Variants in CREG2 observed in about 807,000 individuals in gnomAD.
CREG2 encodes the protein cellular repressor of E1A stimulated genes 2.
Under a neutral mutation model 26.2 loss-of-function variants are expected in CREG2, and 24 were observed. The ratio of observed to expected loss-of-function variants is 0.92; its 90% confidence interval spans 0.66 to 1.29. CREG2 has a LOEUF of 1.29. Among genes scored for constraint, CREG2 ranks in the 50% most tolerant of loss-of-function variants. CREG2 has a pLI of 0.00. For missense variants in CREG2, 366 were observed against 398.6 expected (o/e 0.92, Z 0.70); for synonymous variants, 174 against 169.2 (o/e 1.03, Z -0.22).
intron 1 of CREG2, among the ~76,000 whole-genome samples, chr2:101,385,951 A>G (rs1444869491): frequency 2.0e-5 from 3 of 152,372 alleles, no homozygotes; most frequent in African/African-American, 7.2e-5. Context: ...AACTAAGATC[A>G]GTGTCATCTT....
intron 2 of CREG2, among the ~76,000 whole-genome samples, chr2:101,361,046 T>C (rs1684530528): frequency 6.6e-6 from 1 of 152,226 alleles, no homozygotes; most frequent in African/African-American, 2.4e-5. Flanking sequence ...CTTCATTAAA[T>C]TGTTCTGTGA....
chr2:101,354,216 G>A (rs562987127), intron 3 of CREG2, among the ~76,000 whole-genome samples: 2 of 152,028 alleles, frequency 1.3e-5, no homozygotes, highest in Admixed American at 1.3e-4. Context: ...ACATGTGAGA[G>A]GAGAAGAACT....
At chr2:101,372,522 T>C (rs1027866257) in intron 2 of CREG2, among the ~76,000 whole-genome samples, 1 of 152,206 alleles carries the variant, frequency 6.6e-6, no homozygotes, top group East Asian at 1.9e-4. Flanking sequence ...TTCTACACAC[T>C]AGAGAACTTA....
At chr2:101,378,289 C>A (rs1261246138) in intron 2 of CREG2, among the ~76,000 whole-genome samples, 1 of 152,246 alleles carries the variant, frequency 6.6e-6, no homozygotes, top group African/African-American at 2.4e-5. Context: ...GCCTAAATCA[C>A]AGTTCTTAGT....
rs902716110 is a variant in CREG2 at position 101,349,484 on chromosome 2, G to A, written c.*1439C>T. ...GAAAAATGTATATTTCCTACATATA[G>A]TGATGTGTTTTTTATGTTATACAAC... On this transcript the variant is annotated 3_prime_UTR_variant, in exon 4 of 4. Coordinates refer to ENST00000324768, the MANE Select transcript of CREG2 (RefSeq NM_153836.4). 1.3e-5 allele frequency: 2 copies of A among 152,592 alleles called. No homozygotes were observed. The highest frequency in any genetic ancestry group is 4.8e-5 in the African/African-American group (2 of 41,432). The allele number at this position is 152,592 out of a possible 1,614,324, so 9.5% of individuals were successfully genotyped here. A position where few individuals can be genotyped will look rare whatever the true frequency, so the allele number is the denominator to read the frequency against.
chr2:101,387,169 G>A lies in CREG2; in HGVS notation c.289C>T (p.Pro97Ser), dbSNP rs1367247377. 3.9e-6 allele frequency: 5 copies of A among 1,282,646 alleles called. No individual in the cohort carries two copies. Among genetic ancestry groups the A allele is most frequent in the Admixed American group, 4.1e-5 (1 of 24,660 alleles). The allele number at this position is 1,282,646 out of a possible 1,614,324, so 79.5% of individuals were successfully genotyped here. Residue 97 changes from proline to serine, a missense_variant, in exon 1 of 4, where the codon CCC becomes TCC. By Grantham distance (74) the Pro-to-Ser change is moderately conservative (BLOSUM62 -1). This residue lies in a region of CREG2 where 177 missense variants were observed against 183.3 expected (regional missense o/e 0.97). Coordinates refer to ENST00000324768, the MANE Select transcript of CREG2 (RefSeq NM_153836.4). The surrounding 1 kb of genome is among the most constrained non-coding windows in gnomAD (Gnocchi z 4.7). ...PRAGAARARP[P>S]PAPPGMFSYR... The stretch of plus-strand genomic sequence containing the variant: ...GAGAACATCCCGGGTGGCGCGGGGG[G>A]CGGCCTGGCCCGGGCGGCGCCCGCC...
intron 2 of CREG2, among the ~76,000 whole-genome samples, chr2:101,360,896 A>T (rs1163782410): frequency 6.6e-6 from 1 of 152,218 alleles, no homozygotes; most frequent in African/African-American, 2.4e-5. Flanking sequence ...TGTAAAAATA[A>T]CTGAGACGCA....
At chr2:101,365,004 T>C (rs1381328768) in intron 2 of CREG2, among the ~76,000 whole-genome samples, 1 of 152,102 alleles carries the variant, frequency 6.6e-6, no homozygotes, top group African/African-American at 2.4e-5. Context: ...AGGCGTGGAA[T>C]GGAAATTCTG....
rs4850966 is a variant in CREG2, at chr2:101,348,651, T to G, written c.*2272A>C. The G allele has an allele frequency of 6.6e-6, 1 of 151,900 alleles. No homozygotes were observed. Among genetic ancestry groups the G allele is most frequent in the African/African-American group, 2.4e-5 (1 of 41,332 alleles). The allele number at this position is 151,900 out of a possible 1,614,324, so 9.4% of individuals were successfully genotyped here. A position where few individuals can be genotyped will look rare whatever the true frequency, so the allele number is the denominator to read the frequency against. On this transcript the variant is annotated 3_prime_UTR_variant, in exon 4 of 4. Coordinates refer to ENST00000324768, the MANE Select transcript of CREG2 (RefSeq NM_153836.4). ...GCTGATCTTGTGTCCTGAGACCTTG[T>G]TGCACTCACATACTAGTTCCAGAGT...
At chr2:101,372,277 G>A (rs556263322) in intron 2 of CREG2, among the ~76,000 whole-genome samples, 7 of 152,276 alleles carry the variant, frequency 4.6e-5, no homozygotes, top group South Asian at 2.1e-4. Flanking sequence ...AAGTGTTCAC[G>A]CCTACGCATG....
At chr2:101,375,935 A>G (rs1383769940) in intron 2 of CREG2, 1 of 165,642 alleles carries the variant, frequency 6.0e-6, no homozygotes, top group African/African-American at 2.4e-5. Flanking sequence ...AAGGGGGTGG[A>G]TCTCAGAAGG....
intron 2 of CREG2, among the ~76,000 whole-genome samples, chr2:101,358,460 T>A (rs368663551): frequency 1.3e-5 from 2 of 152,102 alleles, no homozygotes; most frequent in South Asian, 2.1e-4. Context: ...GGTAAAAAAA[T>A]ACTACCACAT....
chr2:101,379,931 C>T (rs1392958647), intron 2 of CREG2, among the ~76,000 whole-genome samples: 1 of 152,112 alleles, frequency 6.6e-6, no homozygotes, highest in East Asian at 1.9e-4. Flanking sequence ...CTGTAATATT[C>T]GCTCTTTTGA....
chr2:101,382,649 C>T (rs1684894348), intron 2 of CREG2: 3 of 985,286 alleles, frequency 3.0e-6, no homozygotes, highest in African/African-American at 1.7e-5. Flanking sequence ...ATCCAGGATG[C>T]ATCTTGCATT....
At chr2:101,368,561 G>A (rs997638482) in intron 2 of CREG2, among the ~76,000 whole-genome samples, 3 of 152,168 alleles carry the variant, frequency 2.0e-5, no homozygotes, top group Admixed American at 1.3e-4. Flanking sequence ...ACACCAGACG[G>A]CTTGCCACGC....
rs114073609 is a variant in CREG2 at position 101,377,523 on chromosome 2, T to C, written c.611+6010A>G. Among the ~76,000 whole-genome samples, 664 of 152,298 alleles carry C rather than the reference T, an allele frequency of 4.4e-3. 6 individuals carry two copies. The highest frequency in any genetic ancestry group is 0.014 in the African/African-American group (602 of 41,544). On this transcript the variant is annotated intron_variant, in intron 2 of 3. Coordinates refer to ENST00000324768, the MANE Select transcript of CREG2 (RefSeq NM_153836.4). ...TTTTTGGGTGGCCTTTCTTTGTCAATCAATATTGATTGAATTTTCACAAAG... is the reference window on the plus strand; with the variant it reads ...TTTTTGGGTGGCCTTTCTTTGTCAACCAATATTGATTGAATTTTCACAAAG...
intron 2 of CREG2, among the ~76,000 whole-genome samples, chr2:101,369,618 A>G (rs908120226): frequency 6.6e-6 from 1 of 152,204 alleles, no homozygotes; most frequent in Non-Finnish European, 1.5e-5. Flanking sequence ...CTACAGGCCG[A>G]TAACTTGTAG....
rs1684333095 is a variant in CREG2, at chr2:101,348,494, A to G, written c.*2429T>C. 6.6e-6 allele frequency: 1 copy of G among 152,142 alleles called. No homozygotes were observed. Among genetic ancestry groups the G allele is most frequent in the South Asian group, 2.1e-4 (1 of 4,836 alleles). The allele number at this position is 152,142 out of a possible 1,614,324, so 9.4% of individuals were successfully genotyped here. A position where few individuals can be genotyped will look rare whatever the true frequency, so the allele number is the denominator to read the frequency against. On this transcript the variant is annotated 3_prime_UTR_variant, in exon 4 of 4. Transcript: ENST00000324768. The stretch of plus-strand genomic sequence containing the variant: ...TTCTTAGCATTTAAAAATTTTCACT[A>G]CATAGGTCCTGGGTAAGTTTTGTTT...
intron 2 of CREG2, among the ~76,000 whole-genome samples, chr2:101,379,824 A>C (rs1460453886): frequency 6.6e-6 from 1 of 152,216 alleles, no homozygotes; most frequent in Non-Finnish European, 1.5e-5. Flanking sequence ...GCTTTTCCTC[A>C]GGATCTGATT....
Sources: allele counts gnomAD v4.1 joint callset (sites outside exome capture counted in the v4.1 genomes callset), GRCh38; gene constraint gnomAD v4.1.1; regional missense constraint gnomAD v4.1.1; non-coding constraint Gnocchi (gnomAD v3.1); transcripts MANE v1.5; gene names NCBI Gene and HGNC (gene_info 2026-07-23, HGNC 2026-07-21).